ABCA3: variants seen among roughly 807,000 people sequenced by gnomAD.
ABCA3 encodes the protein ATP binding cassette subfamily A member 3.
In ABCA3, 88 loss-of-function variants were observed where a neutral mutation model predicts 172.8. The ratio of observed to expected loss-of-function variants is 0.51; its 90% confidence interval spans 0.43 to 0.61. The LOEUF (loss-of-function observed/expected upper bound fraction) is 0.61. ABCA3 is among the 20% of genes least tolerant of loss of function. The pLI, the probability that ABCA3 is intolerant of heterozygous loss-of-function variation, is 0.00. For missense variants in ABCA3, 2,164 were observed against 2,301.0 expected (o/e 0.94, Z 1.22); for synonymous variants, 1,066 against 983.8 (o/e 1.08, Z -1.56).
At chr16:2,309,463 C>T (rs940945810) in intron 10 of ABCA3, among the ~76,000 whole-genome samples, 1 of 152,058 alleles carries the variant, frequency 6.6e-6, no homozygotes, top group Non-Finnish European at 1.5e-5. Context: ...AGCAAGGAGG[C>T]GCAGGATGGG....
chr16:2,317,255 C>A (rs779777820), intron 10 of ABCA3, 28 bp downstream of exon 10: 3 of 1,613,500 alleles, frequency 1.9e-6, no homozygotes, highest in African/African-American at 1.3e-5. Context: ...CCTTGGCAAC[C>A]CCACTCTGCC....
intron 18 of ABCA3, among the ~76,000 whole-genome samples, chr16:2,293,367 CTTTTTTT>C (rs71148126): frequency 1.9e-5 from 2 of 103,428 alleles, no homozygotes; most frequent in African/African-American, 3.6e-5. Flanking sequence ...GCCAAAATGC[CTTTTTTT>C]TTTTTTTTTT....
At chr16:2,291,066 G>T (rs1020448598) in intron 19 of ABCA3, among the ~76,000 whole-genome samples, 1 of 152,104 alleles carries the variant, frequency 6.6e-6, no homozygotes, top group Non-Finnish European at 1.5e-5. Context: ...GATGGTGGCT[G>T]GGGGTGGTGG....
Position 2,284,703 on chromosome 16 carries a change from G to A in ABCA3, c.3703+76C>T, listed in dbSNP as rs1380149519. ...ATTGCCTGAGTCCCGCCTCGGCTGT[G>A]GCTGGTGCCTCCCTGTCTGGGCGGA... is the stretch of plus-strand genomic sequence containing the variant. On this transcript the variant is annotated intron_variant, in intron 24 of 32. Coordinates refer to ENST00000301732, the MANE Select transcript of ABCA3 (RefSeq NM_001089.3). This position sits in a 1 kb window ranked among gnomAD's most constrained non-coding sequence, Gnocchi z 5.9. 4.0e-6 allele frequency: 6 copies of A among 1,490,244 alleles called. No individual in the cohort carries two copies. The African/African-American group carries it at 5.6e-5, about 14-fold the overall frequency. 92.3% of individuals were successfully genotyped at this position (1,490,244 alleles called of 1,614,324 possible).
Position 2,289,339 on chromosome 16 carries a change from C to T in ABCA3, c.2700+95G>A, listed in dbSNP as rs1014334236. 15 of 1,451,902 alleles carry T rather than the reference C, an allele frequency of 1.0e-5. No homozygotes were observed. The East Asian group carries it at 1.5e-4, about 15-fold the overall frequency. 89.9% of individuals were successfully genotyped at this position (1,451,902 alleles called of 1,614,324 possible). Reference sequence around the variant, plus strand: ...TGCTGACTCTCCCGGACCCTGTTTGCGCCCTCGCAGACTCTCCTCTGCATG... The same window carrying T: ...TGCTGACTCTCCCGGACCCTGTTTGTGCCCTCGCAGACTCTCCTCTGCATG... On this transcript the variant is annotated intron_variant, in intron 20 of 32. Transcript: ENST00000301732.
Position 2,295,572 on chromosome 16 carries a change from C to A in ABCA3, c.2414+18G>T. On this transcript the variant is annotated intron_variant, in intron 18 of 32. Transcript: ENST00000301732. ...ATCTTGGATGTATACCTGTGCGTGCCCTCCCTGGGAGGCGTACCTGTGCGT... is the reference window on the plus strand; with the variant it reads ...ATCTTGGATGTATACCTGTGCGTGCACTCCCTGGGAGGCGTACCTGTGCGT... 1 of 1,610,698 alleles carries A rather than the reference C, an allele frequency of 6.2e-7. No homozygotes were observed. The highest frequency in any genetic ancestry group is 8.5e-7 in the Non-Finnish European group (1 of 1,179,980).
intron 8 of ABCA3, among the ~76,000 whole-genome samples, chr16:2,319,329 C>T (rs184496313): frequency 6.6e-6 from 1 of 152,046 alleles, no homozygotes; most frequent in African/African-American, 2.4e-5. Context: ...ACTAAAAATA[C>T]AAAAAATTAG....
intron 4 of ABCA3, 61 bp from the exon 5 acceptor site, chr16:2,326,335 C>T (rs530105725): frequency 1.9e-6 from 3 of 1,611,454 alleles, no homozygotes; most frequent in Admixed American, 3.3e-5. Flanking sequence ...GGCATGCAGA[C>T]AGCCCTTCCC....
In ABCA3 at chr16:2,319,591, C is replaced by T. The variant is rs117603931; in HGVS notation, c.863G>A (p.Arg288Lys). 7.0e-3 allele frequency: 11,334 copies of T among 1,612,206 alleles called. 88 individuals are homozygous for T. Among genetic ancestry groups the T allele is most frequent in the Non-Finnish European group, 8.5e-3 (9,983 of 1,179,978 alleles). ...AAAGCGGGCAGTCACCTTCAGCCTC[C>T]TTTCCTTCTCCTGCACGACAGCACG... ...IARAVVQEKE[R>K]RLKEYMRMMG... is the part of the protein sequence containing the mutation. The change falls in exon 8 of 33, where the codon AGG becomes AAG. Residue 288 changes from arginine to lysine, a missense_variant. Transcript: ENST00000301732.
chr16:2,325,900 A>T, intron 5 of ABCA3, 110 bp downstream of exon 5: 3 of 1,473,532 alleles, frequency 2.0e-6, no homozygotes, highest in Non-Finnish European at 2.8e-6. Flanking sequence ...AAGTCTGCAC[A>T]GGGTGAACTC....
At chr16:2,299,971 C>T (rs746521981) in intron 13 of ABCA3, 34 bp downstream of exon 13, 5 of 1,610,392 alleles carry the variant, frequency 3.1e-6, no homozygotes, top group Non-Finnish European at 4.2e-6. Flanking sequence ...GTCCTGGCAG[C>T]CCCGGCCCTC....
At chr16:2,309,148 G>A (rs1193055478) in intron 10 of ABCA3, among the ~76,000 whole-genome samples, 2 of 152,070 alleles carry the variant, frequency 1.3e-5, no homozygotes, top group African/African-American at 2.4e-5. Context: ...GGGTTTCACC[G>A]TGTTAGCCAG....
Position 2,283,913 on chromosome 16 carries a change from G to C in ABCA3, c.3862+366C>G, listed in dbSNP as rs145555742. The C allele has an allele frequency of 3.7e-6, 1 of 267,120 alleles. No homozygotes were observed. The highest frequency in any genetic ancestry group is 7.2e-6 in the Non-Finnish European group (1 of 138,578). The allele number at this position is 267,120 out of a possible 1,614,324, so 16.5% of individuals were successfully genotyped here. ...GGAGCTGCCATGCGAGGATGGAGGC[G>C]GTGGTGGGGAGTAGGTGCAGCCAGG... On this transcript the variant is annotated intron_variant, in intron 25 of 32. Transcript: ENST00000301732. The surrounding 1 kb of genome is among the most constrained non-coding windows in gnomAD (Gnocchi z 5.4).
intron 18 of ABCA3, among the ~76,000 whole-genome samples, chr16:2,295,281 C>T (rs574981853): frequency 2.0e-5 from 3 of 152,364 alleles, no homozygotes; most frequent in South Asian, 2.1e-4. Context: ...AGCCGCAGCA[C>T]GTGTTGAGCC....
At chr16:2,324,894 A>C (rs549668011) in intron 5 of ABCA3, among the ~76,000 whole-genome samples, 3 of 152,282 alleles carry the variant, frequency 2.0e-5, no homozygotes, top group African/African-American at 7.2e-5. Context: ...GTGTGTTTTT[A>C]CAAATGGAGT....
intron 11 of ABCA3, 53 bp from the exon 12 acceptor site, chr16:2,304,203 G>A: frequency 1.2e-6 from 2 of 1,605,914 alleles, no homozygotes; most frequent in Non-Finnish European, 1.7e-6. Flanking sequence ...GGGGGGCCCA[G>A]GGACCCGAAG....
chr16:2,295,384 T>C (rs540861576), intron 18 of ABCA3, among the ~76,000 whole-genome samples: 1 of 152,202 alleles, frequency 6.6e-6, no homozygotes, highest in African/African-American at 2.4e-5. Flanking sequence ...GTCCTAATTA[T>C]GTTTCTCCTT....
rs1366444219 is a variant in ABCA3 at position 2,308,449 on chromosome 16, C to T, written c.1285+1G>A. On this transcript the variant is annotated splice_donor_variant, in intron 11 of 32. Coordinates refer to ENST00000301732, the MANE Select transcript of ABCA3 (RefSeq NM_001089.3). LOFTEE classifies it high-confidence loss of function. The stretch of plus-strand genomic sequence containing the variant: ...ACAGGCTGGACAAGGCAAACACTCA[C>T]CTTTCGCCTCAAATTTCCCAATGAG... 1.2e-6 allele frequency: 2 copies of T among 1,614,194 alleles called. No individual in the cohort carries two copies. The highest frequency in any genetic ancestry group is 2.2e-5 in the East Asian group (1 of 44,888).
At chr16:2,320,378 G>T (rs924184494) in intron 7 of ABCA3, among the ~76,000 whole-genome samples, 1 of 148,450 alleles carries the variant, frequency 6.7e-6, no homozygotes, top group Non-Finnish European at 1.5e-5. Flanking sequence ...GATTACAGGC[G>T]TGAGCCACTG....
Sources: allele counts gnomAD v4.1 joint callset (sites outside exome capture counted in the v4.1 genomes callset), GRCh38; gene constraint gnomAD v4.1.1; non-coding constraint Gnocchi (gnomAD v3.1); transcripts MANE v1.5; gene names NCBI Gene and HGNC (gene_info 2026-07-23, HGNC 2026-07-21).